The following PIH1D1 variants were observed in gnomAD, a reference collection of about 807,000 sequenced individuals.
PIH1D1 encodes PIH1 domain-containing protein 1.
In PIH1D1, 28 loss-of-function variants were observed where a neutral mutation model predicts 38.5. That is an observed-to-expected ratio of 0.73 (90% CI 0.54 to 1.00). The LOEUF (loss-of-function observed/expected upper bound fraction) is 1.00, where lower values mean the gene tolerates loss of function less well. Among genes scored for constraint, PIH1D1 ranks in the 50% least tolerant of loss-of-function variants. The pLI, the probability that PIH1D1 is intolerant of heterozygous loss-of-function variation, is 0.00. For missense variants in PIH1D1, 343 were observed against 369.9 expected, an observed-to-expected ratio of 0.93 and a Z score of 0.60; for synonymous variants, 155 against 153.5, an observed-to-expected ratio of 1.01 and a Z score of -0.07.
chr19:49,446,682 C>A lies in PIH1D1; in HGVS notation c.700G>T (p.Gly234Trp). ...VDLPKLDGAL[G>W]LSLEIGENRL... is the part of the protein sequence containing the mutation. ...TTCTCCCCGATCTCCAGCGACAGCC[C>A]CAGGGCTCCATCCTGGAGAGGTGGC... The change falls in exon 8 of 9, where the codon GGG becomes TGG. Residue 234 changes from glycine (G) to tryptophan (W), a missense_variant. Transcript: ENST00000262265. 1 of 1,572,100 alleles carries A rather than the reference C, an allele frequency of 6.4e-7. No homozygotes were observed. Among genetic ancestry groups the A allele is most frequent in the Non-Finnish European group, 8.6e-7 (1 of 1,159,554 alleles).
In PIH1D1 at chr19:49,451,667, T is replaced by G. The variant is rs2079061990; in HGVS notation, c.-93A>C. ...CCCCAGTGCCTGCTCTGGCCCTCAA[T>G]CGACTCCGGATACCTACTATCCTGT... On this transcript the variant is annotated 5_prime_UTR_variant, in exon 1 of 9. Coordinates refer to ENST00000262265, the MANE Select transcript of PIH1D1 (RefSeq NM_017916.3). The G allele has an allele frequency of 6.5e-7, 1 of 1,548,762 alleles. No individual in the cohort carries two copies. The highest frequency in any genetic ancestry group is 1.4e-5 in the African/African-American group (1 of 72,856).
chr19:49,450,724 CCT>C (rs2079053254), intron 2 of PIH1D1, 56 bp downstream of exon 2: 2 of 806,008 alleles, frequency 2.5e-6, no homozygotes, highest in East Asian at 6.0e-5. Flanking sequence ...TTTCCTTCCT[CCT>C]CTCTCTGTCC....
At chr19:49,450,678 C>CA in intron 2 of PIH1D1, 104 bp downstream of exon 2, 3 of 291,574 alleles carry the variant, frequency 1.0e-5, no homozygotes, top group South Asian at 7.4e-5. Context: ...TGTCTGCTCA[C>CA]CCCACCCCCA....
intron 7 of PIH1D1, 40 bp from the exon 8 acceptor site, chr19:49,446,734 A>G: frequency 6.5e-7 from 1 of 1,528,200 alleles, no homozygotes; most frequent in Non-Finnish European, 8.8e-7. Flanking sequence ...CCCCAGCAAC[A>G]GGATGATCAC....
intron 3 of PIH1D1, 25 bp from the exon 4 acceptor site, chr19:49,448,087 G>A (rs762251289): frequency 1.2e-6 from 2 of 1,610,712 alleles, no homozygotes; most frequent in African/African-American, 2.7e-5. Flanking sequence ...AGGGGGTGAG[G>A]ACCCCCCAGC....
At position 49,447,822 on chromosome 19, in the gene PIH1D1, C is replaced by T. The variant is rs775078063; in HGVS notation, c.481+5G>A. 2 of 1,613,980 alleles carry T rather than the reference C, an allele frequency of 1.2e-6. No homozygotes were observed. Among genetic ancestry groups the T allele is most frequent in the South Asian group, 2.2e-5 (2 of 91,076 alleles). On this transcript the variant is annotated splice_donor_5th_base_variant and intron_variant, in intron 5 of 8. Transcript: ENST00000262265. ...TTTCCCGAGGGCCCAGGACCTGCCC[C>T]TCACCCGGATTCAGCTGCAAGTTGT...
Position 49,448,020 on chromosome 19 carries a change from T to G in PIH1D1, c.380A>C (p.Asp127Ala), listed in dbSNP as rs1179043149. The change falls in exon 4 of 9, where the codon GAC (aspartate) becomes GCC (alanine). Residue 127 changes from aspartate (D) to alanine (A), a missense_variant. Transcript: ENST00000262265. The part of the protein sequence containing the change: ...CTAYDVAVNS[D>A]FYRRMQNSDF... ...CCCAACCTGCATCCTCCGGTAGAAGTCGCTGTTGACAGCTACGTCGTAGGC... is the reference window on the plus strand; with the variant it reads ...CCCAACCTGCATCCTCCGGTAGAAGGCGCTGTTGACAGCTACGTCGTAGGC... 6.2e-7 allele frequency: 1 copy of G among 1,614,150 alleles called. No homozygotes were observed. The highest frequency in any genetic ancestry group is 1.1e-5 in the South Asian group (1 of 91,080).
At position 49,446,484 on chromosome 19, in the gene PIH1D1, C is replaced by A. The variant is rs114377754; in HGVS notation, c.832-61G>T. On this transcript the variant is annotated intron_variant, in intron 8 of 8. Transcript: ENST00000262265. The stretch of plus-strand genomic sequence containing the variant: ...ACCCAGAAGTCCAGCTCCCAGCCCC[C>A]CTCCCTGGGAGACAGAGTCCAGGCC... 3.3e-3 allele frequency: 4,987 copies of A among 1,525,068 alleles called. 135 individuals carry two copies. In the African/African-American group the frequency reaches 0.06, roughly 18 times the overall value. The allele number at this position is 1,525,068 out of a possible 1,614,324, so 94.5% of individuals were successfully genotyped here. A position where few individuals can be genotyped will look rare whatever the true frequency, so the allele number is the denominator to read the frequency against.
Position 49,451,781 on chromosome 19 carries a change from C to T in PIH1D1, c.-207G>A, listed in dbSNP as rs554796949. 9 of 1,381,316 alleles carry T rather than the reference C, an allele frequency of 6.5e-6. No individual in the cohort carries two copies. The highest frequency in any genetic ancestry group is 1.9e-4 in the Middle Eastern group (1 of 5,202). 85.6% of individuals were successfully genotyped at this position (1,381,316 alleles called of 1,614,324 possible). On this transcript the variant is annotated 5_prime_UTR_variant, in exon 1 of 9. Transcript: ENST00000262265. ...CGTGGGGAATATGTGTCTCTAGACG[C>T]ACTACCCTCCGTCCTACGTGCCGAA...
intron 2 of PIH1D1, 144 bp from the exon 3 acceptor site, chr19:49,449,798 T>C: frequency 6.0e-5 from 3 of 49,750 alleles, no homozygotes; most frequent in East Asian, 2.5e-4. Flanking sequence ...ACTTCTCTTT[T>C]TTTTTTTTTT....
rs945578216 is a variant in PIH1D1, at chr19:49,446,933, C to A, written c.687+91G>T. 7 of 1,233,530 alleles carry A rather than the reference C, an allele frequency of 5.7e-6. No homozygotes were observed. In the African/African-American group the frequency reaches 1.1e-4, roughly 19 times the overall value. The allele number at this position is 1,233,530 out of a possible 1,614,324, so 76.4% of individuals were successfully genotyped here. ...GCAGAGAGGACGCAACTGACAAGTC[C>A]AGCAACAACCCCTTGTCACTCACAC... On this transcript the variant is annotated intron_variant, in intron 7 of 8. Coordinates refer to ENST00000262265, the MANE Select transcript of PIH1D1 (RefSeq NM_017916.3).
In PIH1D1 at chr19:49,447,633, C is replaced by T. The variant is rs570464291; in HGVS notation, c.482-166G>A. On this transcript the variant is annotated intron_variant, in intron 5 of 8. Coordinates refer to ENST00000262265, the MANE Select transcript of PIH1D1 (RefSeq NM_017916.3). ...CCGCCCACCTTAGTCACGCCCCTCC[C>T]ATGATATGCCCCAATAAAACCCACC... The T allele has an allele frequency of 8.2e-5, 77 of 939,336 alleles. No individual in the cohort carries two copies. In the African/African-American group the frequency reaches 9.3e-4, roughly 11 times the overall value. The allele number at this position is 939,336 out of a possible 1,614,324, so 58.2% of individuals were successfully genotyped here. A position where few individuals can be genotyped will look rare whatever the true frequency, so the allele number is the denominator to read the frequency against.
In PIH1D1 at chr19:49,450,861, A is replaced by G. The variant is rs186731884; in HGVS notation, c.91-13T>C. Reference sequence around the variant, plus strand: ...GCTCCTTCGAGGCCTGTATAAAGGAAAACTACCTCCAGGCTCGGAGTCTGT... The same window carrying G: ...GCTCCTTCGAGGCCTGTATAAAGGAGAACTACCTCCAGGCTCGGAGTCTGT... On this transcript the variant is annotated splice_polypyrimidine_tract_variant and intron_variant, in intron 1 of 8. Coordinates refer to ENST00000262265, the MANE Select transcript of PIH1D1 (RefSeq NM_017916.3). 3,802 of 1,613,680 alleles carry G rather than the reference A, an allele frequency of 2.4e-3. 8 individuals are homozygous for G. The highest frequency in any genetic ancestry group is 2.9e-3 in the Non-Finnish European group (3,426 of 1,179,922).
At chr19:49,448,995 C>T (rs2079041513) in intron 3 of PIH1D1, 2 of 314,052 alleles carry the variant, frequency 6.4e-6, no homozygotes, top group Admixed American at 8.6e-5. Context: ...AGTCTGAGAC[C>T]AGCCAGGCCA....
In PIH1D1 at chr19:49,449,528, G is replaced by T. The variant is rs2079045009; in HGVS notation, c.284C>A (p.Ala95Asp). 1 of 1,614,116 alleles carries T rather than the reference G, an allele frequency of 6.2e-7. No homozygotes were observed. Among genetic ancestry groups the T allele is most frequent in the Non-Finnish European group, 8.5e-7 (1 of 1,180,050 alleles). The change falls in exon 3 of 9, where the codon GCT becomes GAT. Residue 95 changes from alanine (A) to aspartate (D), a missense_variant. Physicochemically the swap from Ala to Asp is moderately radical, Grantham distance 126. Transcript: ENST00000262265. ...CAGACTCATGGGGATGCGAAACCCA[G>T]CTTGGTCCTCCTCTAGCATCTGAAG... ...ELLQMLEEDQ[A>D]GFRIPMSLGE...
At chr19:49,449,711 CCATT>C (rs2122333828) in intron 2 of PIH1D1, 57 bp from the exon 3 acceptor site, 2 of 1,419,042 alleles carry the variant, frequency 1.4e-6, no homozygotes, top group East Asian at 2.4e-5. Flanking sequence ...CAGTCCCCAT[CCATT>C]GTCTCCAGGC....
At chr19:49,446,907 G>A (rs1246857956) in intron 7 of PIH1D1, 117 bp downstream of exon 7, 3 of 1,117,746 alleles carry the variant, frequency 2.7e-6, no homozygotes, top group Non-Finnish European at 4.0e-6. Context: ...TGGGCCTCCT[G>A]GCAGAGAGGA....
At chr19:49,446,990 A>T in intron 7 of PIH1D1, 34 bp downstream of exon 7, 2 of 1,548,824 alleles carry the variant, frequency 1.3e-6, no homozygotes, top group South Asian at 2.2e-5. Flanking sequence ...TCCAGACCTC[A>T]TTCCCCTGCT....
chr19:49,450,979 T>C, intron 1 of PIH1D1, 131 bp from the exon 2 acceptor site: 1 of 1,554,638 alleles, frequency 6.4e-7, no homozygotes, highest in South Asian at 1.1e-5. Flanking sequence ...TAGGTCCCCT[T>C]TCTCCTTTGA....
Sources: gnomAD v4.1 joint callset for allele counts on GRCh38, gnomAD v4.1.1 for gene constraint, MANE v1.5 for transcripts, NCBI Gene and HGNC (gene_info 2026-07-23, HGNC 2026-07-21) for gene names.